Variants in RELN observed in about 807,000 individuals in gnomAD.
The protein encoded by RELN is reelin.
Under a neutral mutation model 427.6 loss-of-function variants are expected in RELN, and 108 were observed. That is an observed-to-expected ratio of 0.25 (90% CI 0.22 to 0.30). The LOEUF (loss-of-function observed/expected upper bound fraction) is 0.30, where lower values mean the gene tolerates loss of function less well. RELN is among the 10% of genes least tolerant of loss of function. The pLI, the probability that RELN is intolerant of heterozygous loss-of-function variation, is 1.00. For missense variants in RELN, 3,715 were observed against 4,302.8 expected, an observed-to-expected ratio of 0.86 and a Z score of 3.82; for synonymous variants, 1,524 against 1,513.4, an observed-to-expected ratio of 1.01 and a Z score of -0.16.
intron 16 of RELN, among the ~76,000 whole-genome samples, chr7:103,642,350 T>G (rs544120800): frequency 0.12 from 3,959 of 33,582 alleles, 53 homozygotes; most frequent in East Asian, 0.15. Flanking sequence ...TTTCATAGTG[T>G]TTTTTTTTTT....
In RELN at chr7:103,626,414, G is replaced by T. The variant is rs142258506; in HGVS notation, c.2702+3526C>A. On this transcript the variant is annotated intron_variant, in intron 20 of 64. Transcript: ENST00000428762. The surrounding 1 kb of genome is among the most constrained non-coding windows in gnomAD (Gnocchi z 4.4). The stretch of plus-strand genomic sequence containing the variant: ...CACCCAGGCTGGAGTGCATTGGCAT[G>T]ATCTCGGCTCACTGCAACTTCTGCC... Among the ~76,000 whole-genome samples the T allele has an allele frequency of 1.4e-3, 212 of 152,228 alleles. 1 individual carries two copies. The highest frequency in any genetic ancestry group is 4.9e-3 in the African/African-American group (203 of 41,560).
chr7:103,684,051 T>C (rs1007959665), intron 10 of RELN, among the ~76,000 whole-genome samples: 3 of 152,152 alleles, frequency 2.0e-5, no homozygotes, highest in Non-Finnish European at 2.9e-5. Context: ...TATGAGCCCA[T>C]AGTATACTGG....
chr7:103,750,709 A>T (rs1479829989), intron 5 of RELN, among the ~76,000 whole-genome samples: 1 of 152,040 alleles, frequency 6.6e-6, no homozygotes, highest in Non-Finnish European at 1.5e-5. Flanking sequence ...ATATTCACTC[A>T]TCTTTTACTG....
intron 2 of RELN, among the ~76,000 whole-genome samples, chr7:103,876,787 T>A (rs1408863329): frequency 8.6e-5 from 13 of 151,058 alleles, no homozygotes; most frequent in Admixed American, 6.6e-4. Context: ...GCTCTTTTTT[T>A]TAAAAAAAAG....
Position 103,640,671 on chromosome 7 carries a change from TG to T in RELN, c.2003-63del. ...ATAGAACACTACCAGTACAATTTTG[TG>T]AAGTAATACTCATGAAATATGGCCC... On this transcript the variant is annotated intron_variant, in intron 16 of 64. Coordinates refer to ENST00000428762, the MANE Select transcript of RELN (RefSeq NM_005045.4). The surrounding 1 kb of genome is among the most constrained non-coding windows in gnomAD (Gnocchi z 4.1). The T allele has an allele frequency of 6.5e-7, 1 of 1,548,510 alleles. No homozygotes were observed. The highest frequency in any genetic ancestry group is 8.9e-7 in the Non-Finnish European group (1 of 1,126,718).
intron 2 of RELN, among the ~76,000 whole-genome samples, chr7:103,907,729 A>G (rs565957812): frequency 6.6e-6 from 1 of 152,022 alleles, no homozygotes; most frequent in East Asian, 1.9e-4. Context: ...GCTTTAAAAG[A>G]ATATCTGAGA....
intron 1 of RELN, among the ~76,000 whole-genome samples, chr7:103,938,338 G>C (rs1252207771): frequency 6.6e-6 from 1 of 152,024 alleles, no homozygotes; most frequent in East Asian, 1.9e-4. Flanking sequence ...TGAAATTAAG[G>C]CTTCCTATAT....
chr7:103,930,338 C>T lies in RELN; in HGVS notation c.227-13153G>A, dbSNP rs573656040. Among the ~76,000 whole-genome samples, 35 of 151,652 alleles carry T rather than the reference C, an allele frequency of 2.3e-4. No homozygotes were observed. In the South Asian group the frequency reaches 3.6e-3, roughly 15 times the overall value. On this transcript the variant is annotated intron_variant, in intron 1 of 64. Transcript: ENST00000428762. ...CAATGACCTCATTTTAATTTAATTA[C>T]CTTTTAATACATTTTGTCTCCAAAT...
chr7:103,861,530 G>GT (rs1794071740), intron 2 of RELN, among the ~76,000 whole-genome samples: 1 of 152,164 alleles, frequency 6.6e-6, no homozygotes, highest in East Asian at 1.9e-4. Context: ...AGTTGCTGCA[G>GT]TAAGGCTGGC....
intron 1 of RELN, among the ~76,000 whole-genome samples, chr7:103,941,399 A>G (rs1796111759): frequency 6.6e-6 from 1 of 152,174 alleles, no homozygotes; most frequent in Non-Finnish European, 1.5e-5. Flanking sequence ...TTCCTCTTAA[A>G]GCAGACTGGC....
intron 48 of RELN, 109 bp downstream of exon 48, chr7:103,521,913 G>T: frequency 9.2e-7 from 1 of 1,082,434 alleles, no homozygotes. Flanking sequence ...GTACATTTAG[G>T]GTAACTAACC....
At chr7:103,628,131 G>A (rs1348894909) in intron 20 of RELN, 2 of 152,120 alleles carry the variant, frequency 1.3e-5, no homozygotes, top group African/African-American at 2.4e-5. Context: ...TGTCAATTCA[G>A]GTCAATTTAA....
intron 4 of RELN, among the ~76,000 whole-genome samples, chr7:103,757,072 G>C (rs1173720799): frequency 6.6e-6 from 1 of 152,130 alleles, no homozygotes; most frequent in Non-Finnish European, 1.5e-5. Flanking sequence ...AAAAATTAAA[G>C]TAGCCTGAGG....
At chr7:103,931,744 T>G (rs1795870194) in intron 1 of RELN, among the ~76,000 whole-genome samples, 1 of 152,200 alleles carries the variant, frequency 6.6e-6, no homozygotes, top group Admixed American at 6.5e-5. Context: ...GATGTCATAC[T>G]TCTGCCTCTT....
chr7:103,539,337 A>G lies in RELN; in HGVS notation c.6931-10T>C. 2 of 1,613,474 alleles carry G rather than the reference A, an allele frequency of 1.2e-6. No homozygotes were observed. The highest frequency in any genetic ancestry group is 1.7e-6 in the Non-Finnish European group (2 of 1,179,502). ...TTCCTCCAATAAGAATCTGAAATGT[A>G]TTTTTAAAAAATCCCAAATTTTCCA... On this transcript the variant is annotated splice_polypyrimidine_tract_variant and intron_variant, in intron 44 of 64. Transcript: ENST00000428762.
intron 2 of RELN, among the ~76,000 whole-genome samples, chr7:103,849,980 C>T (rs114714482): frequency 2.6e-4 from 40 of 152,284 alleles, no homozygotes; most frequent in Non-Finnish European, 5.4e-4. Context: ...CTATGCAACT[C>T]CTTCCTGTAC....
intron 58 of RELN, 67 bp from the exon 59 acceptor site, chr7:103,490,896 TA>T: frequency 6.6e-7 from 1 of 1,512,766 alleles, no homozygotes; most frequent in Non-Finnish European, 9.2e-7. Context: ...AATGTCAAGG[TA>T]ATGCTTTGTG....
chr7:103,621,632 G>C (rs898654088), intron 20 of RELN, among the ~76,000 whole-genome samples: 2 of 152,164 alleles, frequency 1.3e-5, no homozygotes, highest in African/African-American at 4.8e-5. Context: ...CAGCAAGGCA[G>C]GGGGCAGGGG....
chr7:103,601,697 C>T (rs920989783), intron 24 of RELN, among the ~76,000 whole-genome samples: 2 of 152,056 alleles, frequency 1.3e-5, no homozygotes, highest in Non-Finnish European at 2.9e-5. Flanking sequence ...CCTTTCAAGA[C>T]TATATAAGGA....
Sources: gnomAD v4.1 joint callset for allele counts (sites outside exome capture counted in the v4.1 genomes callset) on GRCh38, gnomAD v4.1.1 for gene constraint, Gnocchi (gnomAD v3.1) non-coding constraint, MANE v1.5 for transcripts, NCBI Gene and HGNC (gene_info 2026-07-23, HGNC 2026-07-21) for gene names.